Variants in CEP128 observed in about 807,000 individuals in gnomAD.
CEP128 encodes the protein centrosomal protein 128.
A neutral mutation model predicts 156.7 loss-of-function variants in CEP128; 132 were observed. The observed-to-expected ratio is 0.84, with a 90% CI of 0.73 to 0.97. The LOEUF is 0.97. Ranked by LOEUF, CEP128 falls within the 50% of genes least tolerant of loss-of-function variation. The pLI, the probability that CEP128 is intolerant of heterozygous loss-of-function variation, is 0.00. For synonymous variants in CEP128, 469 were observed against 448.9 expected, an observed-to-expected ratio of 1.04 and a Z score of -0.57; for missense variants, 1,252 against 1,281.9, an observed-to-expected ratio of 0.98 and a Z score of 0.36.
intron 13 of CEP128, among the ~76,000 whole-genome samples, chr14:80,823,931 A>G (rs1345597582): frequency 6.6e-6 from 1 of 152,246 alleles, no homozygotes; most frequent in African/African-American, 2.4e-5. Context: ...TTGCCCTAGC[A>G]GAGGTTCTCC....
chr14:80,489,047 A>G (rs61979251), downstream of CEP128, among the ~76,000 whole-genome samples: 69,766 of 148,122 alleles, frequency 0.47, 17,757 homozygotes, highest in East Asian at 0.69. Flanking sequence ...TGACGAGTTA[A>G]TGGGTGCAGC....
At chr14:80,596,771 C>G (rs1169475210) in intron 19 of CEP128, among the ~76,000 whole-genome samples, 4 of 114,002 alleles carry the variant, frequency 3.5e-5, no homozygotes, top group Non-Finnish European at 6.5e-5. Context: ...TCTCAGTGAG[C>G]TGGTTGGGCC....
At chr14:80,738,251 G>A (rs562471879) in intron 19 of CEP128, among the ~76,000 whole-genome samples, 6 of 152,170 alleles carry the variant, frequency 3.9e-5, no homozygotes, top group Non-Finnish European at 5.9e-5. Context: ...TACAGTTCGA[G>A]AGTCCCTCCG....
intron 19 of CEP128, among the ~76,000 whole-genome samples, chr14:80,660,189 C>A (rs1249081854): frequency 3.7e-4 from 57 of 152,146 alleles, no homozygotes; most frequent in Non-Finnish European, 1.0e-4. Context: ...AAAGACAGAA[C>A]AGAACCTGAC....
chr14:80,912,667 A>C (rs979386615), intron 4 of CEP128, among the ~76,000 whole-genome samples: 4 of 152,162 alleles, frequency 2.6e-5, no homozygotes, highest in African/African-American at 9.7e-5. Flanking sequence ...TCATTTTCTA[A>C]ATAAAAATAG....
rs903469855 is a variant in CEP128, at chr14:80,756,296, ATT to A, written c.2613+594_2613+595del. Among the ~76,000 whole-genome samples, 24 of 152,068 alleles carry A rather than the reference ATT, an allele frequency of 1.6e-4. 1 individual carries two copies. The highest frequency in any genetic ancestry group is 1.3e-4 in the Admixed American group (2 of 15,262). ...TCTAATGCTCAATCACTATACTTTC[ATT>A]TTCTTGTTAAGAATGCTTTGTTTTA... On this transcript the variant is annotated intron_variant, in intron 18 of 24. Transcript: ENST00000555265.
intron 19 of CEP128, among the ~76,000 whole-genome samples, chr14:80,636,993 G>A (rs954035326): frequency 1.3e-5 from 2 of 151,848 alleles, no homozygotes; most frequent in African/African-American, 2.4e-5. Flanking sequence ...GGCTAAGGCA[G>A]GAGAATCGCT....
intron 15 of CEP128, among the ~76,000 whole-genome samples, chr14:80,780,366 A>G (rs1366481805): frequency 6.6e-6 from 1 of 152,176 alleles, no homozygotes; most frequent in Non-Finnish European, 1.5e-5. Flanking sequence ...GTATGGATAT[A>G]TTAATAAAAT....
intron 21 of CEP128, among the ~76,000 whole-genome samples, chr14:80,531,348 G>C (rs1040514234): frequency 4.6e-5 from 7 of 152,176 alleles, no homozygotes; most frequent in African/African-American, 7.2e-5. Context: ...AATTATTTCA[G>C]TTAAAAGGGA....
chr14:80,886,931 G>A (rs1032183094), intron 8 of CEP128, among the ~76,000 whole-genome samples: 2 of 152,114 alleles, frequency 1.3e-5, no homozygotes, highest in Non-Finnish European at 2.9e-5. Context: ...AGGGATGAAG[G>A]AATATTTACT....
intron 13 of CEP128, among the ~76,000 whole-genome samples, chr14:80,800,468 G>C (rs1883776229): frequency 6.6e-6 from 1 of 152,162 alleles, no homozygotes; most frequent in African/African-American, 2.4e-5. Context: ...TCCAAGATAA[G>C]GCAGATAGTT....
chr14:80,925,447 T>G (rs2139555540), intron 2 of CEP128, among the ~76,000 whole-genome samples: 1 of 152,306 alleles, frequency 6.6e-6, no homozygotes, highest in Non-Finnish European at 1.5e-5. Context: ...AATTTCCCAG[T>G]AATCAATGAA....
intron 19 of CEP128, among the ~76,000 whole-genome samples, chr14:80,710,488 T>C (rs1266711528): frequency 6.6e-6 from 1 of 152,120 alleles, no homozygotes; most frequent in East Asian, 1.9e-4. Flanking sequence ...ACTTATCAAA[T>C]TCATAAAACA....
At chr14:80,852,150 A>G (rs1014449558) in intron 9 of CEP128, among the ~76,000 whole-genome samples, 14 of 152,010 alleles carry the variant, frequency 9.2e-5, no homozygotes, top group Non-Finnish European at 2.9e-5. Context: ...ACACAGAAAA[A>G]TATTTGTTTC....
At chr14:80,911,955 G>A (rs563210889) in intron 4 of CEP128, among the ~76,000 whole-genome samples, 4 of 152,066 alleles carry the variant, frequency 2.6e-5, no homozygotes, top group East Asian at 1.9e-4. Flanking sequence ...ACGGTGGCTC[G>A]TGCCTGTAAT....
chr14:80,558,463 A>T (rs1205954102), intron 21 of CEP128, among the ~76,000 whole-genome samples: 2 of 151,896 alleles, frequency 1.3e-5, no homozygotes, highest in Admixed American at 6.6e-5. Flanking sequence ...TAATTTTTTT[A>T]ATTTTTAGTA....
intron 19 of CEP128, among the ~76,000 whole-genome samples, chr14:80,580,813 A>T (rs1327272633): frequency 6.6e-6 from 1 of 152,242 alleles, no homozygotes; most frequent in Non-Finnish European, 1.5e-5. Context: ...AAGAAAAATT[A>T]AAAACAAACC....
In CEP128 at chr14:80,831,081, T is replaced by G. The variant is rs572927803; in HGVS notation, c.1209+62A>C. 74 of 1,417,814 alleles carry G rather than the reference T, an allele frequency of 5.2e-5. No homozygotes were observed. In the African/African-American group the frequency reaches 9.0e-4, roughly 17 times the overall value. 87.8% of individuals were successfully genotyped at this position (1,417,814 alleles called of 1,614,324 possible). A position where few individuals can be genotyped will look rare whatever the true frequency, so the allele number is the denominator to read the frequency against. On this transcript the variant is annotated intron_variant, in intron 13 of 24. Coordinates refer to ENST00000555265, the MANE Select transcript of CEP128 (RefSeq NM_152446.5). The stretch of plus-strand genomic sequence containing the variant: ...ACACATCTTTATATTAAAATTTCAT[T>G]AAGCAATTCCATGAGATAAAATTAA...
chr14:80,937,329 T>C (rs905454189), intron 2 of CEP128, among the ~76,000 whole-genome samples: 1 of 152,058 alleles, frequency 6.6e-6, no homozygotes, highest in Non-Finnish European at 1.5e-5. Flanking sequence ...TCAATCAATC[T>C]GTAATATACA....
Sources: gnomAD v4.1 joint callset for allele counts (sites outside exome capture counted in the v4.1 genomes callset) on GRCh38, gnomAD v4.1.1 for gene constraint, MANE v1.5 for transcripts, NCBI Gene and HGNC (gene_info 2026-07-23, HGNC 2026-07-21) for gene names.